HELQ: variants seen among roughly 807,000 people sequenced by gnomAD.
HELQ encodes helicase POLQ-like.
HELQ carries 77 observed loss-of-function variants against 111.6 expected under a neutral mutation model. The ratio of observed to expected loss-of-function variants is 0.69; its 90% CI spans 0.57 to 0.83. The LOEUF is 0.83. HELQ is among the 40% of genes least tolerant of loss of function. HELQ has a pLI of 0.00. For missense variants in HELQ, 1,200 were observed against 1,288.5 expected (o/e 0.93, Z 1.05); for synonymous variants, 438 against 454.7 (o/e 0.96, Z 0.47).
At position 83,453,471 on chromosome 4, in the gene HELQ, C is replaced by A; in HGVS notation, c.772G>T (p.Asp258Tyr). The stretch of plus-strand genomic sequence containing the variant: ...TTAATACTTTTTCTCCTGTTCATAT[C>A]TGAACTAGTTCTGACTTTGGAAGAG... ...ESSSKVRTSS[D>Y]MNRRKSIKDH... is the part of the protein sequence containing the mutation. The change falls in exon 2 of 18, where the codon GAT (aspartate) becomes TAT (tyrosine). Residue 258 changes from aspartate to tyrosine, a missense_variant. Around this residue, in one of 3 missense-constraint regions of HELQ, gnomAD observed 610 missense variants for 607.1 expected, o/e 1.00. Coordinates refer to ENST00000295488, the MANE Select transcript of HELQ (RefSeq NM_133636.5). 17 of 1,611,386 alleles carry A rather than the reference C, an allele frequency of 1.1e-5. No homozygotes were observed. Among genetic ancestry groups the A allele is most frequent in the Non-Finnish European group, 1.4e-5 (17 of 1,179,330 alleles).
intron 12 of HELQ, among the ~76,000 whole-genome samples, chr4:83,428,000 C>T (rs1450311907): frequency 6.6e-6 from 1 of 151,778 alleles, no homozygotes; most frequent in Non-Finnish European, 1.5e-5. Context: ...TTGTTTATAA[C>T]AGAGAAAAAT....
At chr4:83,448,489 G>A (rs553259294) in intron 3 of HELQ, among the ~76,000 whole-genome samples, 132 of 151,942 alleles carry the variant, frequency 8.7e-4, no homozygotes, top group Middle Eastern at 6.8e-3. Context: ...GGCCAATATG[G>A]TGAAACCCCG....
chr4:83,436,803 C>G, intron 9 of HELQ, 55 bp downstream of exon 9: 10 of 1,552,842 alleles, frequency 6.4e-6, no homozygotes, highest in Non-Finnish European at 8.7e-6. Flanking sequence ...CAAAACTCCT[C>G]GCAAGCTAGA....
intron 5 of HELQ, among the ~76,000 whole-genome samples, chr4:83,445,104 G>A (rs1720983428): frequency 2.0e-5 from 3 of 152,304 alleles, no homozygotes; most frequent in South Asian, 4.1e-4. Context: ...GAATATGTAG[G>A]ACCCTGGCTT....
At chr4:83,436,709 G>T in intron 9 of HELQ, 149 bp downstream of exon 9, 1 of 698,706 alleles carries the variant, frequency 1.4e-6, no homozygotes, top group Non-Finnish European at 2.2e-6. Context: ...AAATATTAAA[G>T]AAAATAAACC....
intron 2 of HELQ, among the ~76,000 whole-genome samples, chr4:83,451,539 G>A (rs914626265): frequency 6.6e-6 from 1 of 152,068 alleles, no homozygotes; most frequent in Admixed American, 6.5e-5. Context: ...GGTGGCGGGC[G>A]CCTGTAGTCC....
At chr4:83,413,335 T>C (rs551908709) in intron 17 of HELQ, among the ~76,000 whole-genome samples, 3 of 152,308 alleles carry the variant, frequency 2.0e-5, no homozygotes, top group Non-Finnish European at 2.9e-5. Flanking sequence ...ACAGAAATGA[T>C]TGCTTGTTTT....
intron 4 of HELQ, among the ~76,000 whole-genome samples, chr4:83,446,597 C>G (rs1241281371): frequency 6.6e-6 from 1 of 152,168 alleles, no homozygotes; most frequent in African/African-American, 2.4e-5. Flanking sequence ...TGAGCCACCA[C>G]GCCCAGCCAA....
intron 8 of HELQ, among the ~76,000 whole-genome samples, chr4:83,439,063 C>CT (rs903463434): frequency 1.6e-4 from 24 of 149,256 alleles, no homozygotes; most frequent in African/African-American, 4.7e-4. Flanking sequence ...AGGGTTTTGT[C>CT]TTTTTTTTTT....
chr4:83,416,970 T>C, intron 16 of HELQ, 105 bp from the exon 17 acceptor site: 1 of 929,052 alleles, frequency 1.1e-6, no homozygotes, highest in East Asian at 2.6e-5. Context: ...GAGACTGGGA[T>C]AAAATAAAGT....
chr4:83,442,601 C>T (rs1365285613), intron 6 of HELQ, among the ~76,000 whole-genome samples: 7 of 150,098 alleles, frequency 4.7e-5, no homozygotes, highest in African/African-American at 1.3e-4. Context: ...TTAGTAGAGT[C>T]GGGGTTTCAC....
chr4:83,433,532 G>A (rs1192900119), intron 9 of HELQ, among the ~76,000 whole-genome samples: 1 of 151,714 alleles, frequency 6.6e-6, no homozygotes, highest in African/African-American at 2.4e-5. Context: ...TGGTCGTGGT[G>A]GCAGGCGCCT....
Position 83,450,222 on chromosome 4 carries a change from T to TAAAAAAAAAAAAA in HELQ, c.1013-1274_1013-1262dup, listed in dbSNP as rs71668650. Among the ~76,000 whole-genome samples the TAAAAAAAAAAAAA allele has an allele frequency of 1.5e-4, 7 of 45,608 alleles. 2 individuals are homozygous for TAAAAAAAAAAAAA. Among genetic ancestry groups the TAAAAAAAAAAAAA allele is most frequent in the Non-Finnish European group, 2.6e-4 (5 of 19,030 alleles). The allele number at this position is 45,608 out of a possible 152,430, so 29.9% of individuals were successfully genotyped here. A position where few individuals can be genotyped will look rare whatever the true frequency, so the allele number is the denominator to read the frequency against. On this transcript the variant is annotated intron_variant, in intron 2 of 17. Coordinates refer to ENST00000295488, the MANE Select transcript of HELQ (RefSeq NM_133636.5). ...TGTATGTTCAATATACAGTTAAGTT[T>TAAAAAAAAAAAAA]AAAAAAAAAAAAAAAAAAAAAAAAA...
intron 9 of HELQ, 135 bp downstream of exon 9, chr4:83,436,723 C>A (rs1341624289): frequency 3.8e-6 from 3 of 779,476 alleles, no homozygotes; most frequent in African/African-American, 1.8e-5. Context: ...ATAAACCAAC[C>A]AATCAACTCA....
intron 17 of HELQ, among the ~76,000 whole-genome samples, chr4:83,411,745 T>C (rs2109960453): frequency 6.6e-6 from 1 of 152,120 alleles, no homozygotes; most frequent in East Asian, 1.9e-4. Flanking sequence ...CAGGCTCAAA[T>C]GATCCTCCCA....
chr4:83,440,089 G>T, intron 7 of HELQ, 81 bp from the exon 8 acceptor site: 3 of 1,024,910 alleles, frequency 2.9e-6, no homozygotes, highest in Non-Finnish European at 4.4e-6. Context: ...GATTTGAAAG[G>T]TAAATAAACC....
At chr4:83,423,731 T>C (rs1719674546) in intron 14 of HELQ, among the ~76,000 whole-genome samples, 1 of 152,108 alleles carries the variant, frequency 6.6e-6, no homozygotes, top group South Asian at 2.1e-4. Context: ...GCCAACATGG[T>C]GAAACTCCAT....
In HELQ at chr4:83,436,848, T is replaced by C. The variant is rs751698506; in HGVS notation, c.2048+10A>G. Reference sequence around the variant, plus strand: ...GTTCTGAGCCTGGTCAACACTTACTTATCTCTTACCTTCGAGCTGGTAGGT... The same window carrying C: ...GTTCTGAGCCTGGTCAACACTTACTCATCTCTTACCTTCGAGCTGGTAGGT... On this transcript the variant is annotated intron_variant, in intron 9 of 17. Transcript: ENST00000295488. The C allele has an allele frequency of 1.2e-6, 2 of 1,608,926 alleles. No individual in the cohort carries two copies. The highest frequency in any genetic ancestry group is 2.2e-5 in the South Asian group (2 of 90,328).
intron 5 of HELQ, among the ~76,000 whole-genome samples, chr4:83,444,645 C>T (rs1258608260): frequency 5.3e-5 from 8 of 152,128 alleles, no homozygotes; most frequent in Non-Finnish European, 8.8e-5. Flanking sequence ...CCCAAATAGG[C>T]CTTCTTTGCA....
Sources: gnomAD v4.1 joint callset for allele counts (sites outside exome capture counted in the v4.1 genomes callset) on GRCh38, gnomAD v4.1.1 for gene constraint, gnomAD v4.1.1 regional missense constraint, MANE v1.5 for transcripts, NCBI Gene and HGNC (gene_info 2026-07-23, HGNC 2026-07-21) for gene names.